The following CADM2 variants were observed in gnomAD, a reference collection of about 807,000 sequenced individuals.
CADM2 encodes the protein immunoglobulin superfamily member 4D.
In CADM2, 12 loss-of-function variants were observed where a neutral mutation model predicts 49.8. That is an observed-to-expected ratio of 0.24 (90% CI 0.15 to 0.39). The LOEUF (loss-of-function observed/expected upper bound fraction) is 0.39. CADM2 is among the 10% of genes least tolerant of loss of function. CADM2 has a pLI of 1.00. For missense variants in CADM2, 378 were observed against 492.3 expected, an observed-to-expected ratio of 0.77 and a Z score of 2.20; for synonymous variants, 214 against 175.4, an observed-to-expected ratio of 1.22 and a Z score of -1.74.
intron 1 of CADM2, among the ~76,000 whole-genome samples, chr3:85,668,532 G>A (rs956753336): frequency 6.6e-6 from 1 of 152,054 alleles, no homozygotes; most frequent in Non-Finnish European, 1.5e-5. Flanking sequence ...AATCATGGTG[G>A]TGTGTCTTTT....
At chr3:85,360,407 A>G (rs544059337) in intron 1 of CADM2, among the ~76,000 whole-genome samples, 71 of 152,214 alleles carry the variant, frequency 4.7e-4, no homozygotes, top group Non-Finnish European at 9.3e-4. Flanking sequence ...AAAAACATAA[A>G]AGCTGACTTA....
chr3:85,880,298 G>T (rs1256373033), intron 3 of CADM2, among the ~76,000 whole-genome samples: 1 of 151,756 alleles, frequency 6.6e-6, no homozygotes, highest in Admixed American at 6.6e-5. Context: ...TTCTATATAT[G>T]GTGGACATTA....
intron 1 of CADM2, among the ~76,000 whole-genome samples, chr3:85,591,061 G>A (rs1576882464): frequency 6.6e-6 from 1 of 151,892 alleles, no homozygotes; most frequent in East Asian, 1.9e-4. Context: ...GCTATCACTG[G>A]TCTTGCCTAG....
chr3:85,743,064 A>C (rs902767336), intron 2 of CADM2, among the ~76,000 whole-genome samples: 1 of 152,120 alleles, frequency 6.6e-6, no homozygotes, highest in Non-Finnish European at 1.5e-5. Flanking sequence ...AAATAACAAT[A>C]ATAAAAGCCC....
At chr3:85,197,385 T>C (rs1428007851) in intron 1 of CADM2, among the ~76,000 whole-genome samples, 1 of 151,974 alleles carries the variant, frequency 6.6e-6, no homozygotes, top group Non-Finnish European at 1.5e-5. Context: ...ACTTTATTTT[T>C]TCAACAAACA....
intron 1 of CADM2, among the ~76,000 whole-genome samples, chr3:85,201,397 G>A (rs764442429): frequency 9.9e-5 from 15 of 152,158 alleles, no homozygotes; most frequent in Non-Finnish European, 2.2e-4. Context: ...TACTAAAAAT[G>A]CTTATGGTCA....
intron 2 of CADM2, among the ~76,000 whole-genome samples, chr3:85,769,427 A>C (rs1218527238): frequency 4.9e-5 from 5 of 102,950 alleles, no homozygotes; most frequent in Admixed American, 1.4e-4. Flanking sequence ...ACATATATAC[A>C]TATATAGTAT....
intron 1 of CADM2, among the ~76,000 whole-genome samples, chr3:85,608,017 C>T (rs1422775538): frequency 1.3e-5 from 2 of 151,850 alleles, no homozygotes; most frequent in Non-Finnish European, 2.9e-5. Flanking sequence ...AATTCATTAC[C>T]TCGTAATTAG....
intron 7 of CADM2, among the ~76,000 whole-genome samples, chr3:85,939,468 A>ACACACACAC (rs1553710489): frequency 4.5e-4 from 62 of 137,074 alleles, no homozygotes; most frequent in African/African-American, 1.6e-3. Flanking sequence ...AGTAAACGAA[A>ACACACACAC]ACACACACAC....
intron 1 of CADM2, among the ~76,000 whole-genome samples, chr3:85,640,615 G>T (rs1326435760): frequency 6.6e-6 from 1 of 152,100 alleles, no homozygotes; most frequent in African/African-American, 2.4e-5. Flanking sequence ...CCTGGTTGGT[G>T]GGGAAAGCAG....
At chr3:85,152,037 CA>C (rs759906879) in intron 1 of CADM2, among the ~76,000 whole-genome samples, 2 of 152,046 alleles carry the variant, frequency 1.3e-5, no homozygotes, top group Non-Finnish European at 2.9e-5. Flanking sequence ...AAATTCTTAA[CA>C]ATCCAAATTT....
intron 1 of CADM2, among the ~76,000 whole-genome samples, chr3:85,489,806 TGAGAGAGA>T (rs60906747): frequency 5.1e-4 from 74 of 143,920 alleles, no homozygotes; most frequent in Non-Finnish European, 1.0e-3. Flanking sequence ...TGTGTGTGTG[TGAGAGAGA>T]GAGAGAGAGA....
At chr3:85,325,595 C>T (rs968206972) in intron 1 of CADM2, among the ~76,000 whole-genome samples, 2 of 149,582 alleles carry the variant, frequency 1.3e-5, no homozygotes, top group African/African-American at 4.9e-5. Context: ...GAGGCTGAGG[C>T]AGGAGAATCA....
chr3:85,311,410 C>T (rs1254898610), intron 1 of CADM2, among the ~76,000 whole-genome samples: 3 of 150,952 alleles, frequency 2.0e-5, no homozygotes, highest in Admixed American at 2.0e-4. Context: ...GAGTCTCGCT[C>T]TGTCACCCAG....
intron 1 of CADM2, among the ~76,000 whole-genome samples, chr3:85,387,719 T>C (rs1476331005): frequency 1.3e-5 from 2 of 152,218 alleles, no homozygotes; most frequent in Non-Finnish European, 2.9e-5. Context: ...TATGTAGTAT[T>C]ATTTAGTAGT....
chr3:85,492,957 G>T (rs1307652948), intron 1 of CADM2, among the ~76,000 whole-genome samples: 3 of 151,956 alleles, frequency 2.0e-5, no homozygotes, highest in Non-Finnish European at 2.9e-5. Context: ...GTATAAATTA[G>T]GATATATTAA....
intron 1 of CADM2, among the ~76,000 whole-genome samples, chr3:85,601,110 C>T (rs1372890602): frequency 7.8e-6 from 1 of 128,422 alleles, no homozygotes; most frequent in African/African-American, 2.9e-5. Flanking sequence ...AATTAATATA[C>T]TGTGCATTTA....
At chr3:86,053,807 TGA>T (rs984035011) in intron 8 of CADM2, among the ~76,000 whole-genome samples, 3 of 152,110 alleles carry the variant, frequency 2.0e-5, no homozygotes, top group African/African-American at 7.2e-5. Context: ...GTGGTTCAAA[TGA>T]GTTTATGCTT....
chr3:85,346,316 T>C (rs1217143834), intron 1 of CADM2, among the ~76,000 whole-genome samples: 1 of 152,152 alleles, frequency 6.6e-6, no homozygotes, highest in East Asian at 1.9e-4. Flanking sequence ...AGTAGACAAA[T>C]AGATCTACTA....
Sources: allele counts gnomAD v4.1 joint callset (sites outside exome capture counted in the v4.1 genomes callset), GRCh38; gene constraint gnomAD v4.1.1; transcripts MANE v1.5; gene names NCBI Gene and HGNC (gene_info 2026-07-23, HGNC 2026-07-21).